The following SHISA9 variants were observed in gnomAD, a reference collection of about 807,000 sequenced individuals.
SHISA9 encodes the protein protein shisa-9.
In SHISA9, 13 loss-of-function variants were observed where a neutral mutation model predicts 38.0. The observed-to-expected ratio is 0.34, with a 90% CI of 0.22 to 0.54. The LOEUF (loss-of-function observed/expected upper bound fraction) is 0.54, where lower values mean the gene tolerates loss of function less well. SHISA9 is among the 20% of genes least tolerant of loss of function. The pLI is 0.91. For synonymous variants in SHISA9, 275 were observed against 242.0 expected, an observed-to-expected ratio of 1.14 and a Z score of -1.27; for missense variants, 538 against 575.8, an observed-to-expected ratio of 0.93 and a Z score of 0.67.
At position 12,938,640 on chromosome 16, in the gene SHISA9, G is replaced by C. The variant is rs572208847; in HGVS notation, c.691+21825G>C. Among the ~76,000 whole-genome samples, 382 of 152,076 alleles carry C rather than the reference G, an allele frequency of 2.5e-3. 1 individual carries two copies. The highest frequency in any genetic ancestry group is 8.9e-3 in the African/African-American group (369 of 41,470). Reference sequence around the variant, plus strand: ...GGCCTCCTGAGTAGCTGGGATTACCGGCACCTGCCACCACGCCCAGCTAAT... The same window carrying C: ...GGCCTCCTGAGTAGCTGGGATTACCCGCACCTGCCACCACGCCCAGCTAAT... On this transcript the variant is annotated intron_variant, in intron 2 of 4. Transcript: ENST00000558583.
the SHISA9 span, among the ~76,000 whole-genome samples, chr16:13,406,701 C>T: frequency 1.1e-4 from 16 of 152,254 alleles, 1 homozygote; most frequent in Admixed American, 9.8e-4. Flanking sequence ...ATTTTCTGAC[C>T]TCATCACTTT....
chr16:13,260,990 G>A, the SHISA9 span, among the ~76,000 whole-genome samples: 71 of 152,220 alleles, frequency 4.7e-4, 1 homozygote, highest in Non-Finnish European at 7.4e-5. Context: ...AAAAGCAGAA[G>A]CTCCTGATAA....
chr16:13,151,856 T>C (rs929351078), intron 2 of SHISA9, among the ~76,000 whole-genome samples: 2 of 152,172 alleles, frequency 1.3e-5, no homozygotes, highest in Non-Finnish European at 2.9e-5. Flanking sequence ...AATTTATTCT[T>C]AGGTGAATAA....
At chr16:13,141,051 C>A (rs529847213) in intron 2 of SHISA9, among the ~76,000 whole-genome samples, 1 of 152,030 alleles carries the variant, frequency 6.6e-6, no homozygotes, top group Non-Finnish European at 1.5e-5. Flanking sequence ...AACAGTGAAG[C>A]CTTTCACCGA....
At chr16:13,259,176 G>A in the SHISA9 span, among the ~76,000 whole-genome samples, 23,938 of 152,084 alleles carry the variant, frequency 0.16, 2,143 homozygotes, top group Non-Finnish European at 0.2. Flanking sequence ...GGGTTACAGG[G>A]CCCATGCAAG....
At chr16:13,304,118 T>A in the SHISA9 span, among the ~76,000 whole-genome samples, 1 of 152,236 alleles carries the variant, frequency 6.6e-6, no homozygotes, top group Non-Finnish European at 1.5e-5. Flanking sequence ...GATCTTACTC[T>A]CCATCCATTT....
At chr16:13,194,548 G>A (rs1257437205) in intron 2 of SHISA9, among the ~76,000 whole-genome samples, 1 of 152,162 alleles carries the variant, frequency 6.6e-6, no homozygotes, top group Non-Finnish European at 1.5e-5. Context: ...ATAGTGTGGG[G>A]TACCTCATAA....
At chr16:13,333,328 G>A in the SHISA9 span, among the ~76,000 whole-genome samples, 2 of 152,216 alleles carry the variant, frequency 1.3e-5, no homozygotes, top group African/African-American at 4.8e-5. Flanking sequence ...AGCAGAGGAG[G>A]CTGGTTTGAG....
chr16:13,257,835 C>T, the SHISA9 span, among the ~76,000 whole-genome samples: 1 of 151,478 alleles, frequency 6.6e-6, no homozygotes, highest in Non-Finnish European at 1.5e-5. Flanking sequence ...TCATTATGTG[C>T]TTTTTGGAGG....
At chr16:13,515,904 T>C in the SHISA9 span, among the ~76,000 whole-genome samples, 1 of 152,216 alleles carries the variant, frequency 6.6e-6, no homozygotes, top group Non-Finnish European at 1.5e-5. Flanking sequence ...GAACTTAGCA[T>C]GTTTCACACA....
At chr16:13,227,061 G>A (rs2051286500) in intron 4 of SHISA9, among the ~76,000 whole-genome samples, 3 of 152,184 alleles carry the variant, frequency 2.0e-5, no homozygotes, top group Admixed American at 2.0e-4. Context: ...TCTGATCTCA[G>A]CTTAAAGAGT....
the SHISA9 span, among the ~76,000 whole-genome samples, chr16:13,423,877 G>A: frequency 1.6e-4 from 24 of 152,254 alleles, no homozygotes; most frequent in Admixed American, 1.2e-3. Context: ...CTGCATCCTT[G>A]CCACATTTTG....
the SHISA9 span, among the ~76,000 whole-genome samples, chr16:13,462,162 T>G: frequency 6.6e-6 from 1 of 151,606 alleles, no homozygotes; most frequent in East Asian, 2.0e-4. Context: ...TCCCAGCTAC[T>G]CAAGAGCCTG....
At position 13,008,662 on chromosome 16, in the gene SHISA9, CCTTCCTCCCTCCCTCCCTCT is replaced by C. The variant is rs1339448415; in HGVS notation, c.691+91850_691+91869del. ...CCCTCCCTCCCTCCCTCCCTCCCTC[CCTTCCTCCCTCCCTCCCTCT>C]CTCTCTCTCTCTTTCCTGGCACCTT... On this transcript the variant is annotated intron_variant, in intron 2 of 4. Coordinates refer to ENST00000558583, the MANE Select transcript of SHISA9 (RefSeq NM_001145204.3). Among the ~76,000 whole-genome samples, 90 of 29,182 alleles carry C rather than the reference CCTTCCTCCCTCCCTCCCTCT, an allele frequency of 3.1e-3. 3 individuals are homozygous for C. The highest frequency in any genetic ancestry group is 6.1e-3 in the Admixed American group (24 of 3,910). 19.1% of individuals were successfully genotyped at this position (29,182 alleles called of 152,430 possible).
At chr16:13,358,255 C>T in the SHISA9 span, among the ~76,000 whole-genome samples, 1 of 152,104 alleles carries the variant, frequency 6.6e-6, no homozygotes, top group Admixed American at 6.5e-5. Context: ...GTGATGTCTA[C>T]CTGGGAGCAT....
At chr16:12,967,782 T>C (rs1342979330) in intron 2 of SHISA9, among the ~76,000 whole-genome samples, 1 of 152,092 alleles carries the variant, frequency 6.6e-6, no homozygotes, top group African/African-American at 2.4e-5. Context: ...CAGAGAGACA[T>C]GCAAATAACA....
At chr16:13,030,533 C>T (rs909171721) in intron 2 of SHISA9, among the ~76,000 whole-genome samples, 4 of 152,196 alleles carry the variant, frequency 2.6e-5, no homozygotes, top group Non-Finnish European at 5.9e-5. Context: ...GATCACCTTC[C>T]AAGAACCTGT....
intron 2 of SHISA9, among the ~76,000 whole-genome samples, chr16:12,985,896 A>G (rs918710074): frequency 5.9e-5 from 9 of 152,136 alleles, no homozygotes; most frequent in African/African-American, 2.2e-4. Flanking sequence ...TTCCAGGACA[A>G]CTCTGAACTC....
chr16:13,398,545 G>T, the SHISA9 span, among the ~76,000 whole-genome samples: 9 of 150,090 alleles, frequency 6.0e-5, no homozygotes, highest in Non-Finnish European at 1.2e-4. Flanking sequence ...CTTTAGCCCA[G>T]GCTAGAGTGA....
Sources: gnomAD v4.1 joint callset for allele counts (sites outside exome capture counted in the v4.1 genomes callset) on GRCh38, gnomAD v4.1.1 for gene constraint, MANE v1.5 for transcripts, NCBI Gene and HGNC (gene_info 2026-07-23, HGNC 2026-07-21) for gene names.